The following LRFN5 variants were observed in gnomAD, a reference collection of about 807,000 sequenced individuals.
LRFN5 encodes the protein leucine rich repeat and fibronectin type III domain containing 5, also known as leucine-rich repeat and fibronectin type-III domain-containing protein 5.
A neutral mutation model predicts 45.6 loss-of-function variants in LRFN5; 24 were observed. That is an observed-to-expected ratio of 0.53 (90% CI 0.38 to 0.74). The LOEUF is 0.74. Among genes scored for constraint, LRFN5 ranks in the 30% least tolerant of loss-of-function variants. LRFN5 has a pLI of 0.00. For missense variants in LRFN5, 776 were observed against 861.5 expected (o/e 0.90, Z 1.24); for synonymous variants, 340 against 313.8 (o/e 1.08, Z -0.88).
chr14:41,750,438 G>T (rs1260242842), intron 1 of LRFN5, among the ~76,000 whole-genome samples: 1 of 151,730 alleles, frequency 6.6e-6, no homozygotes, highest in Non-Finnish European at 1.5e-5. Flanking sequence ...TCATCTTTGG[G>T]CCTTGAAAAT....
chr14:41,870,316 A>G (rs1358765089), intron 2 of LRFN5, among the ~76,000 whole-genome samples: 1 of 152,146 alleles, frequency 6.6e-6, no homozygotes, highest in East Asian at 1.9e-4. Context: ...GATTTGCCCA[A>G]TATGACATCC....
intron 1 of LRFN5, among the ~76,000 whole-genome samples, chr14:41,723,003 C>T (rs1006821127): frequency 3.3e-5 from 5 of 152,172 alleles, no homozygotes; most frequent in African/African-American, 7.2e-5. Context: ...TGGGAAACCT[C>T]CTTGGCCCCA....
chr14:41,889,693 T>C (rs949128916), intron 3 of LRFN5, among the ~76,000 whole-genome samples: 1 of 152,148 alleles, frequency 6.6e-6, no homozygotes, highest in African/African-American at 2.4e-5. Context: ...TGATAATGCC[T>C]GTCTCATAAG....
At chr14:41,668,714 A>C (rs1456392576) in intron 1 of LRFN5, among the ~76,000 whole-genome samples, 1 of 152,170 alleles carries the variant, frequency 6.6e-6, no homozygotes, top group African/African-American at 2.4e-5. Context: ...CATCTGTATT[A>C]GAATTAGTAA....
At chr14:41,758,928 T>G (rs1477642364) in intron 1 of LRFN5, among the ~76,000 whole-genome samples, 1 of 152,238 alleles carries the variant, frequency 6.6e-6, no homozygotes, top group Non-Finnish European at 1.5e-5. Context: ...TGTTTTTTAC[T>G]ATGTGATTTT....
intron 2 of LRFN5, among the ~76,000 whole-genome samples, chr14:41,777,099 A>G (rs968160380): frequency 6.6e-6 from 1 of 151,822 alleles, no homozygotes; most frequent in Admixed American, 6.6e-5. Flanking sequence ...TAATTATCCT[A>G]TTTGTAATAT....
intron 1 of LRFN5, among the ~76,000 whole-genome samples, chr14:41,677,214 C>A (rs887126714): frequency 1.1e-4 from 16 of 152,104 alleles, no homozygotes; most frequent in African/African-American, 3.4e-4. Context: ...TTAGTTCAGT[C>A]AAGTAACTAA....
intron 2 of LRFN5, among the ~76,000 whole-genome samples, chr14:41,806,131 TTGAC>T (rs755029322): frequency 9.2e-5 from 14 of 152,326 alleles, no homozygotes; most frequent in Middle Eastern, 3.4e-3. Context: ...TGGCCTTACT[TTGAC>T]TGAGGGTCAG....
chr14:41,828,893 A>G lies in LRFN5; in HGVS notation c.-20-57713A>G, dbSNP rs573819752. On this transcript the variant is annotated intron_variant, in intron 2 of 5. Transcript: ENST00000298119. ...CTGATGCAATTTCCTTACAACAGGCATCAGATTCATGATCCTTTTTCAGTT... is the reference window on the plus strand; with the variant it reads ...CTGATGCAATTTCCTTACAACAGGCGTCAGATTCATGATCCTTTTTCAGTT... 2.0e-5 allele frequency among the ~76,000 whole-genome samples: 3 copies of G among 152,118 alleles called. No individual in the cohort carries two copies. In the South Asian group the frequency reaches 6.2e-4, roughly 32 times the overall value.
intron 2 of LRFN5, among the ~76,000 whole-genome samples, chr14:41,812,806 A>G (rs1186400650): frequency 2.6e-5 from 4 of 152,148 alleles, no homozygotes; most frequent in Non-Finnish European, 5.9e-5. Context: ...TTTATTTAGT[A>G]TAGACCAAAA....
At chr14:41,727,089 T>C (rs1883968238) in intron 1 of LRFN5, among the ~76,000 whole-genome samples, 1 of 152,218 alleles carries the variant, frequency 6.6e-6, no homozygotes, top group African/African-American at 2.4e-5. Context: ...CATTTGAAGA[T>C]GGAATCACCA....
At chr14:41,825,129 G>C (rs1004268932) in intron 2 of LRFN5, among the ~76,000 whole-genome samples, 1 of 152,142 alleles carries the variant, frequency 6.6e-6, no homozygotes, top group Non-Finnish European at 1.5e-5. Flanking sequence ...GAACTCTGCC[G>C]CTCCATGTAG....
At chr14:41,648,524 C>T (rs189558799) in intron 1 of LRFN5, among the ~76,000 whole-genome samples, 5 of 152,060 alleles carry the variant, frequency 3.3e-5, no homozygotes, top group South Asian at 4.1e-4. Context: ...ATGGCTGTGT[C>T]GTCAAAATAC....
intron 1 of LRFN5, among the ~76,000 whole-genome samples, chr14:41,739,194 T>C (rs1884578150): frequency 6.6e-6 from 1 of 152,156 alleles, no homozygotes; most frequent in Non-Finnish European, 1.5e-5. Flanking sequence ...GAGGCAAGCC[T>C]GGGCAACATG....
chr14:41,712,061 G>C (rs187976771), intron 1 of LRFN5, among the ~76,000 whole-genome samples: 1 of 152,116 alleles, frequency 6.6e-6, no homozygotes, highest in Non-Finnish European at 1.5e-5. Flanking sequence ...TGTTGAAGTT[G>C]ACGAGAACGG....
At chr14:41,672,563 A>G (rs1881285792) in intron 1 of LRFN5, among the ~76,000 whole-genome samples, 1 of 152,218 alleles carries the variant, frequency 6.6e-6, no homozygotes. Context: ...GACTATTAGA[A>G]TCAATAAAGT....
chr14:41,623,062 C>T (rs1366098370), intron 1 of LRFN5, among the ~76,000 whole-genome samples: 4 of 152,016 alleles, frequency 2.6e-5, no homozygotes, highest in Admixed American at 6.6e-5. Context: ...AGATCTAGGT[C>T]AGTTTGAGAG....
chr14:41,658,454 T>G (rs1473378715), intron 1 of LRFN5, among the ~76,000 whole-genome samples: 2 of 152,028 alleles, frequency 1.3e-5, no homozygotes, highest in Non-Finnish European at 2.9e-5. Context: ...AGACATTCAC[T>G]TCTCACTTTC....
intron 2 of LRFN5, among the ~76,000 whole-genome samples, chr14:41,787,053 T>A (rs1886747745): frequency 6.6e-6 from 1 of 152,146 alleles, no homozygotes; most frequent in Non-Finnish European, 1.5e-5. Context: ...GATCATATGG[T>A]GCATCTTTAA....
Sources: gnomAD v4.1 joint callset for allele counts (sites outside exome capture counted in the v4.1 genomes callset) on GRCh38, gnomAD v4.1.1 for gene constraint, MANE v1.5 for transcripts, NCBI Gene and HGNC (gene_info 2026-07-23, HGNC 2026-07-21) for gene names.